Variants in NBEA observed in about 807,000 individuals in gnomAD.
The protein encoded by NBEA is lysosomal-trafficking regulator 2.
In NBEA, 44 loss-of-function variants were observed where a neutral mutation model predicts 343.4. That is an observed-to-expected ratio of 0.13 (90% CI 0.10 to 0.16). NBEA has a LOEUF of 0.16. NBEA is among the 10% of genes least tolerant of loss of function. The pLI, the probability that NBEA is intolerant of heterozygous loss-of-function variation, is 1.00. For synonymous variants in NBEA, 1,175 were observed against 1,238.7 expected, an observed-to-expected ratio of 0.95 and a Z score of 1.08; for missense variants, 2,555 against 3,631.3, an observed-to-expected ratio of 0.70 and a Z score of 7.62.
At chr13:35,193,459 T>C (rs1002805605) in intron 30 of NBEA, among the ~76,000 whole-genome samples, 11 of 151,910 alleles carry the variant, frequency 7.2e-5, no homozygotes, top group Non-Finnish European at 1.5e-4. Flanking sequence ...ATTTTCTTCC[T>C]TTCTCAGTTA....
At chr13:34,990,870 C>T (rs2060727358) in intron 1 of NBEA, among the ~76,000 whole-genome samples, 1 of 152,212 alleles carries the variant, frequency 6.6e-6, no homozygotes, top group Non-Finnish European at 1.5e-5. Flanking sequence ...AACCAGGCCA[C>T]ATCTTGAAGA....
chr13:35,063,264 C>T (rs1344486881), intron 8 of NBEA, among the ~76,000 whole-genome samples: 1 of 151,892 alleles, frequency 6.6e-6, no homozygotes, highest in Non-Finnish European at 1.5e-5. Context: ...CAACAAAACC[C>T]CTGCCTGTAT....
At chr13:35,306,037 T>C (rs2036872223) in intron 35 of NBEA, among the ~76,000 whole-genome samples, 1 of 152,176 alleles carries the variant, frequency 6.6e-6, no homozygotes, top group African/African-American at 2.4e-5. Context: ...TGAAAGTATC[T>C]GATGTCTACA....
intron 38 of NBEA, among the ~76,000 whole-genome samples, chr13:35,367,617 T>A (rs2041196703): frequency 6.6e-6 from 1 of 151,200 alleles, no homozygotes; most frequent in Non-Finnish European, 1.5e-5. Context: ...GTTACCAAAT[T>A]GTAGTCAAAC....
At chr13:35,438,676 TTAA>T (rs1249455806) in intron 39 of NBEA, among the ~76,000 whole-genome samples, 9 of 152,330 alleles carry the variant, frequency 5.9e-5, no homozygotes, top group African/African-American at 1.7e-4. Context: ...TTATTGAAAG[TTAA>T]TGATGTAAAT....
chr13:34,970,274 G>C (rs2059957351), intron 1 of NBEA, among the ~76,000 whole-genome samples: 1 of 151,976 alleles, frequency 6.6e-6, no homozygotes, highest in Admixed American at 6.6e-5. Context: ...ATTTGTTTAA[G>C]TGGCTTATAG....
chr13:35,385,199 CTGTA>C (rs1166643249), intron 38 of NBEA, among the ~76,000 whole-genome samples: 1 of 152,074 alleles, frequency 6.6e-6, no homozygotes, highest in African/African-American at 2.4e-5. Context: ...GCTTGAGTTT[CTGTA>C]TGTATTACTT....
chr13:35,407,505 T>TCTG (rs1322413786), intron 38 of NBEA, among the ~76,000 whole-genome samples: 2 of 126,010 alleles, frequency 1.6e-5, no homozygotes, highest in African/African-American at 2.7e-5. Context: ...AGAAGACCTT[T>TCTG]CTGCATCATT....
intron 27 of NBEA, among the ~76,000 whole-genome samples, chr13:35,175,002 A>G (rs1407209235): frequency 6.6e-6 from 1 of 152,020 alleles, no homozygotes; most frequent in East Asian, 1.9e-4. Flanking sequence ...CACATTGGCC[A>G]GGATGGTCTA....
intron 1 of NBEA, among the ~76,000 whole-genome samples, chr13:34,959,381 C>T (rs2059590736): frequency 6.6e-6 from 1 of 152,016 alleles, no homozygotes; most frequent in Admixed American, 6.6e-5. Context: ...ATTGGAGGTG[C>T]AGTCTTTCAA....
At position 35,615,129 on chromosome 13, in the gene NBEA, C is replaced by CAA. The variant is rs34475826; in HGVS notation, c.7449+8564_7449+8565dup. On this transcript the variant is annotated intron_variant, in intron 48 of 58. Transcript: ENST00000379939. Reference sequence around the variant, plus strand: ...TGAAACCCCATCTCTACTAAAAATACAAAAAAAAAAAAAACAAAAAAAAAT... The same window carrying CAA: ...TGAAACCCCATCTCTACTAAAAATACAAAAAAAAAAAAAAAACAAAAAAAAAT... 3.5e-3 allele frequency among the ~76,000 whole-genome samples: 387 copies of CAA among 110,942 alleles called. 2 individuals carry two copies. Among genetic ancestry groups the CAA allele is most frequent in the African/African-American group, 0.013 (364 of 28,664 alleles). 72.8% of individuals were successfully genotyped at this position (110,942 alleles called of 152,430 possible).
intron 41 of NBEA, chr13:35,475,694 C>T: frequency 6.2e-7 from 1 of 1,613,836 alleles, no homozygotes; most frequent in Non-Finnish European, 8.5e-7. Flanking sequence ...ACCATCTTTA[C>T]CACATCCCGG....
intron 47 of NBEA, among the ~76,000 whole-genome samples, chr13:35,596,752 A>G (rs1323368385): frequency 6.6e-6 from 1 of 152,138 alleles, no homozygotes; most frequent in Non-Finnish European, 1.5e-5. Context: ...TAGAATAGCT[A>G]TGTAGATGTC....
chr13:34,973,749 C>CTCTGT (rs2060074612), intron 1 of NBEA, among the ~76,000 whole-genome samples: 1 of 152,190 alleles, frequency 6.6e-6, no homozygotes. Flanking sequence ...AATTCCAAGC[C>CTCTGT]AGTGGGTCTT....
At position 35,248,106 on chromosome 13, in the gene NBEA, A is replaced by G. The variant is rs73489525; in HGVS notation, c.5776+15487A>G. Among the ~76,000 whole-genome samples, 981 of 152,334 alleles carry G rather than the reference A, an allele frequency of 6.4e-3. 11 individuals are homozygous for G. The highest frequency in any genetic ancestry group is 0.023 in the African/African-American group (940 of 41,572). ...AACAGGATAGAATATTTGCAAACTC[A>G]TAATATAAGGTCAGCATTGCCCTGA... On this transcript the variant is annotated intron_variant, in intron 34 of 58. Coordinates refer to ENST00000379939, the MANE Select transcript of NBEA (RefSeq NM_001385012.1).
chr13:35,427,942 G>T (rs1220222988), intron 38 of NBEA, among the ~76,000 whole-genome samples: 2 of 152,214 alleles, frequency 1.3e-5, no homozygotes, highest in East Asian at 3.9e-4. Context: ...CCATGTGCGG[G>T]ATATAATCTC....
chr13:35,437,813 A>C (rs747680285), intron 39 of NBEA, among the ~76,000 whole-genome samples: 1 of 152,190 alleles, frequency 6.6e-6, no homozygotes, highest in East Asian at 1.9e-4. Flanking sequence ...GAAATGATTG[A>C]AAAAGGAGGG....
intron 1 of NBEA, among the ~76,000 whole-genome samples, chr13:34,964,135 G>A (rs767804389): frequency 5.9e-5 from 9 of 152,010 alleles, no homozygotes; most frequent in African/African-American, 9.7e-5. Flanking sequence ...ACTTGCAACT[G>A]TCTCGAATCC....
chr13:35,365,091 A>G (rs1315063781), intron 38 of NBEA, among the ~76,000 whole-genome samples: 4 of 151,790 alleles, frequency 2.6e-5, no homozygotes, highest in African/African-American at 9.7e-5. Context: ...GAAATTAGGC[A>G]GAAACCTCTA....
Sources: gnomAD v4.1 joint callset for allele counts (sites outside exome capture counted in the v4.1 genomes callset) on GRCh38, gnomAD v4.1.1 for gene constraint, MANE v1.5 for transcripts, NCBI Gene and HGNC (gene_info 2026-07-23, HGNC 2026-07-21) for gene names.